The following SLC4A7 variants were observed in gnomAD, a reference collection of about 807,000 sequenced individuals.
SLC4A7 encodes solute carrier family 4 member 7.
Under a neutral mutation model 137.6 loss-of-function variants are expected in SLC4A7, and 51 were observed. The ratio of observed to expected loss-of-function variants is 0.37; its 90% CI spans 0.30 to 0.47. The LOEUF is 0.47. SLC4A7 is among the 20% of genes least tolerant of loss of function. SLC4A7 has a pLI of 1.00. For missense variants in SLC4A7, 1,247 were observed against 1,525.4 expected (o/e 0.82, Z 3.04); for synonymous variants, 542 against 518.6 (o/e 1.05, Z -0.61).
chr3:27,404,694 AT>A, intron 14 of SLC4A7, 135 bp downstream of exon 14: 1 of 664,232 alleles, frequency 1.5e-6, no homozygotes, highest in East Asian at 3.0e-5. Flanking sequence ...AGGATGGTCA[AT>A]CATACAGTAG....
At chr3:27,476,312 C>T (rs1429032006) in intron 1 of SLC4A7, among the ~76,000 whole-genome samples, 1 of 152,162 alleles carries the variant, frequency 6.6e-6, no homozygotes, top group Admixed American at 6.5e-5. Context: ...ATCCAACTTG[C>T]ATTTACTGCA....
Position 27,440,271 on chromosome 3 carries a change from G to C in SLC4A7, c.290-2745C>G, listed in dbSNP as rs756442425. ...TTACTTTTTCCAGCTTCTGAAGGCA[G>C]CCTACATTCCTGGGGTCAGGATCCC... On this transcript the variant is annotated intron_variant, in intron 3 of 25. Transcript: ENST00000454389. 7.1e-4 allele frequency among the ~76,000 whole-genome samples: 108 copies of C among 152,268 alleles called. 1 individual carries two copies. Among genetic ancestry groups the C allele is most frequent in the South Asian group, 2.5e-3 (12 of 4,828 alleles).
chr3:27,443,027 TTTTTC>T lies in SLC4A7; in HGVS notation c.290-5506_290-5502del, dbSNP rs1208146241. ...CGCGCTGGGCATTCTCTTTTTTCTT[TTTTTC>T]TTTTTTTTTTTTTTTTTGAGATGGA... is the stretch of plus-strand genomic sequence containing the variant. On this transcript the variant is annotated intron_variant, in intron 3 of 25. Transcript: ENST00000454389. Among the ~76,000 whole-genome samples, 29 of 126,318 alleles carry T rather than the reference TTTTTC, an allele frequency of 2.3e-4. No individual in the cohort carries two copies. The East Asian group carries it at 5.4e-3, about 23-fold the overall frequency. 82.9% of individuals were successfully genotyped at this position (126,318 alleles called of 152,430 possible).
chr3:27,420,689 A>T lies in SLC4A7; in HGVS notation c.1512+11T>A. The T allele has an allele frequency of 2.6e-6, 4 of 1,563,230 alleles. No individual in the cohort carries two copies. Among genetic ancestry groups the T allele is most frequent in the Non-Finnish European group, 3.5e-6 (4 of 1,133,900 alleles). ...TGTCTACTTCAAAGAGACTTGGAGT[A>T]TTCTGATTACCTCATCTGTCATGAG... On this transcript the variant is annotated intron_variant, in intron 10 of 25. Coordinates refer to ENST00000454389, the MANE Select transcript of SLC4A7 (RefSeq NM_001321103.2).
At chr3:27,445,013 T>A (rs1450398849) in intron 3 of SLC4A7, among the ~76,000 whole-genome samples, 1 of 152,228 alleles carries the variant, frequency 6.6e-6, no homozygotes, top group Non-Finnish European at 1.5e-5. Context: ...GTTGTAAAAC[T>A]AATCTAGACT....
chr3:27,472,949 G>A (rs565151385), intron 1 of SLC4A7, among the ~76,000 whole-genome samples: 4 of 152,060 alleles, frequency 2.6e-5, no homozygotes, highest in Non-Finnish European at 5.9e-5. Flanking sequence ...GCGTGGTAGC[G>A]CAAGCTAGTA....
intron 3 of SLC4A7, among the ~76,000 whole-genome samples, chr3:27,446,807 A>C (rs1463711382): frequency 6.7e-6 from 1 of 150,320 alleles, no homozygotes; most frequent in Non-Finnish European, 1.5e-5. Context: ...TGCTAGCTAC[A>C]TGACCACTTA....
At chr3:27,401,046 T>C (rs1006923401) in intron 15 of SLC4A7, 177 bp from the exon 16 acceptor site, 13 of 447,240 alleles carry the variant, frequency 2.9e-5, no homozygotes, top group African/African-American at 1.0e-4. Flanking sequence ...GTTTGGGTTA[T>C]AGAAATAAAA....
At chr3:27,437,103 C>T (rs895210064) in intron 4 of SLC4A7, among the ~76,000 whole-genome samples, 1 of 152,136 alleles carries the variant, frequency 6.6e-6, no homozygotes, top group African/African-American at 2.4e-5. Flanking sequence ...GTAATCCTAA[C>T]ACTATGGGAG....
chr3:27,456,124 A>G (rs1184897161), intron 1 of SLC4A7, among the ~76,000 whole-genome samples: 1 of 152,242 alleles, frequency 6.6e-6, no homozygotes, highest in African/African-American at 2.4e-5. Context: ...AGTATTAGAA[A>G]AAAAGGATGT....
intron 1 of SLC4A7, among the ~76,000 whole-genome samples, chr3:27,461,606 C>CAAAAAAAAAAAAAA (rs200548018): frequency 1.2e-5 from 1 of 86,790 alleles, no homozygotes. Context: ...ACCTCGTTTA[C>CAAAAAAAAAAAAAA]AAAAAAAAAA....
chr3:27,412,846 GA>G (rs1286458036), intron 11 of SLC4A7, among the ~76,000 whole-genome samples: 1 of 151,024 alleles, frequency 6.6e-6, no homozygotes, highest in Non-Finnish European at 1.5e-5. Context: ...GCACATTCAA[GA>G]AAATTAAGCA....
intron 3 of SLC4A7, among the ~76,000 whole-genome samples, chr3:27,443,188 G>A (rs908886419): frequency 2.6e-5 from 4 of 151,528 alleles, no homozygotes; most frequent in African/African-American, 9.7e-5. Context: ...GTGCCAAAAC[G>A]CCTGGCTAAT....
chr3:27,470,955 A>G (rs762689884), intron 1 of SLC4A7, among the ~76,000 whole-genome samples: 2 of 152,152 alleles, frequency 1.3e-5, no homozygotes, highest in Non-Finnish European at 2.9e-5. Context: ...AAAATAAAAT[A>G]AAATAAAATA....
At chr3:27,376,868 A>G (rs2049939940) in intron 25 of SLC4A7, 23 bp from the exon 26 acceptor site, 2 of 1,238,452 alleles carry the variant, frequency 1.6e-6, no homozygotes, top group South Asian at 1.7e-5. Flanking sequence ...AAGAATTAAA[A>G]TAAATAATTT....
intron 1 of SLC4A7, among the ~76,000 whole-genome samples, chr3:27,462,118 C>A (rs1037844058): frequency 1.4e-4 from 21 of 152,062 alleles, no homozygotes; most frequent in Admixed American, 9.8e-4. Context: ...TTTAATTTTT[C>A]TTTCCATAAA....
chr3:27,395,496 G>A (rs963760607), intron 18 of SLC4A7, among the ~76,000 whole-genome samples: 7 of 152,062 alleles, frequency 4.6e-5, no homozygotes, highest in African/African-American at 1.7e-4. Flanking sequence ...AGATTATTAC[G>A]CTGTCGAGTA....
chr3:27,465,362 A>C (rs563216500), intron 1 of SLC4A7, among the ~76,000 whole-genome samples: 3 of 152,008 alleles, frequency 2.0e-5, no homozygotes, highest in African/African-American at 7.2e-5. Flanking sequence ...TTTAATAAAA[A>C]AGCAAGTAAC....
chr3:27,377,305 TA>T (rs1390820022), intron 25 of SLC4A7, among the ~76,000 whole-genome samples: 1 of 152,186 alleles, frequency 6.6e-6, no homozygotes, highest in Non-Finnish European at 1.5e-5. Flanking sequence ...ACAAAACCAA[TA>T]CATCTATTCT....
Sources: allele counts gnomAD v4.1 joint callset (sites outside exome capture counted in the v4.1 genomes callset), GRCh38; gene constraint gnomAD v4.1.1; transcripts MANE v1.5; gene names NCBI Gene and HGNC (gene_info 2026-07-23, HGNC 2026-07-21).